The following USH2A variants were observed in gnomAD, a reference collection of about 807,000 sequenced individuals.
USH2A encodes Usher syndrome 2A (autosomal recessive, mild).
A neutral mutation model predicts 538.9 loss-of-function variants in USH2A; 443 were observed. The observed-to-expected ratio is 0.82, with a 90% CI of 0.76 to 0.89. The LOEUF is 0.89. USH2A is among the 40% of genes least tolerant of loss of function. The pLI is 0.00. For synonymous variants in USH2A, 2,413 were observed against 2,273.5 expected, an observed-to-expected ratio of 1.06 and a Z score of -1.75; for missense variants, 6,633 against 6,324.8, an observed-to-expected ratio of 1.05 and a Z score of -1.65.
intron 30 of USH2A, among the ~76,000 whole-genome samples, chr1:216,062,153 T>C (rs1013496160): frequency 5.3e-5 from 8 of 152,156 alleles, no homozygotes; most frequent in African/African-American, 1.4e-4. Context: ...TTATGGAAGA[T>C]TGTCATATTC....
Position 215,888,866 on chromosome 1 carries a change from C to A in USH2A, c.7783G>T (p.Ala2595Ser). 1 of 1,614,098 alleles carries A rather than the reference C, an allele frequency of 6.2e-7. No homozygotes were observed. The highest frequency in any genetic ancestry group is 8.5e-7 in the Non-Finnish European group (1 of 1,180,016). ...CAGGCTTCTACCTGAAACTTATAGG[C>A]AGTGTATGGGTGTAAATGCATCACT... ...CTVMHLHPYTAYKFQVEACTS... is the reference protein window; with the variant it reads ...CTVMHLHPYTSYKFQVEACTS... Residue 2595 changes from alanine (A) to serine (S), a missense_variant, in exon 41 of 72, where the codon GCC becomes TCC. By Grantham distance (99) the Ala-to-Ser change is moderately conservative. Coordinates refer to ENST00000307340, the MANE Select transcript of USH2A (RefSeq NM_206933.4).
intron 47 of USH2A, among the ~76,000 whole-genome samples, chr1:215,824,420 C>T (rs1015749620): frequency 1.3e-5 from 2 of 151,802 alleles, no homozygotes; most frequent in African/African-American, 2.4e-5. Context: ...TGCCTCAGGT[C>T]CAGGTTTGCC....
At chr1:215,793,586 G>C (rs921852619) in intron 50 of USH2A, among the ~76,000 whole-genome samples, 1 of 151,966 alleles carries the variant, frequency 6.6e-6, no homozygotes, top group South Asian at 2.1e-4. Context: ...AAATCATTCT[G>C]TTTTATGGAA....
At chr1:216,015,686 T>C (rs1000479257) in intron 32 of USH2A, among the ~76,000 whole-genome samples, 6 of 152,200 alleles carry the variant, frequency 3.9e-5, no homozygotes, top group Non-Finnish European at 8.8e-5. Context: ...CCTTCTGTTT[T>C]CTGACTTTTT....
intron 14 of USH2A, among the ~76,000 whole-genome samples, chr1:216,229,955 A>G (rs1009577106): frequency 1.1e-4 from 17 of 152,172 alleles, no homozygotes; most frequent in African/African-American, 4.1e-4. Context: ...GATCTCACTT[A>G]AAGAAAAAAA....
chr1:215,689,749 C>G (rs754049830), intron 61 of USH2A, among the ~76,000 whole-genome samples: 3 of 152,168 alleles, frequency 2.0e-5, no homozygotes, highest in Non-Finnish European at 4.4e-5. Flanking sequence ...CTCTCATTCC[C>G]ACACAAGAGA....
At chr1:216,415,843 C>G (rs567351874) in intron 3 of USH2A, among the ~76,000 whole-genome samples, 1 of 151,972 alleles carries the variant, frequency 6.6e-6, no homozygotes, top group Non-Finnish European at 1.5e-5. Flanking sequence ...TTTCTTATAA[C>G]AACTTTTGAG....
At chr1:215,637,544 G>A (rs181373675) in intron 69 of USH2A, among the ~76,000 whole-genome samples, 1 of 152,234 alleles carries the variant, frequency 6.6e-6, no homozygotes, top group Admixed American at 6.5e-5. Flanking sequence ...TCCACTTGGG[G>A]AAATATTGGA....
chr1:216,238,345 T>C (rs568616277), intron 13 of USH2A, among the ~76,000 whole-genome samples: 1 of 152,274 alleles, frequency 6.6e-6, no homozygotes, highest in East Asian at 1.9e-4. Context: ...TTGACATCCT[T>C]CCCTGCCTTC....
At chr1:216,321,831 C>T in intron 9 of USH2A, 52 bp downstream of exon 9, 1 of 1,467,730 alleles carries the variant, frequency 6.8e-7, no homozygotes, top group Non-Finnish European at 9.6e-7. Flanking sequence ...AATTTATAGT[C>T]ACCATCTCTA....
chr1:216,238,792 C>T (rs2035878161), intron 13 of USH2A, among the ~76,000 whole-genome samples: 2 of 152,110 alleles, frequency 1.3e-5, no homozygotes, highest in Non-Finnish European at 2.9e-5. Context: ...TACTATGGGT[C>T]AGCAGTATTT....
chr1:216,041,478 C>T (rs1476227441), intron 32 of USH2A, among the ~76,000 whole-genome samples: 1 of 152,072 alleles, frequency 6.6e-6, no homozygotes, highest in Non-Finnish European at 1.5e-5. Context: ...GCAAGATCCA[C>T]TGGCAAACCC....
chr1:216,003,362 G>A (rs1006694718), intron 32 of USH2A, among the ~76,000 whole-genome samples: 24 of 152,058 alleles, frequency 1.6e-4, no homozygotes, highest in African/African-American at 5.3e-4. Flanking sequence ...AATGTGTAAC[G>A]GAGTTTAAGA....
intron 54 of USH2A, among the ~76,000 whole-genome samples, chr1:215,781,412 A>T (rs565960654): frequency 3.5e-4 from 53 of 152,260 alleles, no homozygotes; most frequent in African/African-American, 1.2e-3. Flanking sequence ...TAGCACCATG[A>T]TCCACAAATT....
In USH2A at chr1:215,785,021, G is replaced by A. The variant is rs116143009; in HGVS notation, c.10387+1649C>T. The stretch of plus-strand genomic sequence containing the variant: ...ACTGGGACTGGGAACACAATAGAAG[G>A]TTGGACAAATTGTCCTCTATCTGAG... On this transcript the variant is annotated intron_variant, in intron 52 of 71. Transcript: ENST00000307340. 3.1e-3 allele frequency among the ~76,000 whole-genome samples: 465 copies of A among 152,288 alleles called. 4 individuals carry two copies. Among genetic ancestry groups the A allele is most frequent in the African/African-American group, 0.01 (427 of 41,570 alleles).
chr1:216,383,106 C>T (rs2038947760), intron 3 of USH2A, among the ~76,000 whole-genome samples: 1 of 152,220 alleles, frequency 6.6e-6, no homozygotes, highest in African/African-American at 2.4e-5. Context: ...CACTCAGGCA[C>T]ACAAAAACGG....
intron 47 of USH2A, among the ~76,000 whole-genome samples, chr1:215,829,343 A>T (rs1663248354): frequency 6.6e-6 from 1 of 152,210 alleles, no homozygotes; most frequent in South Asian, 2.1e-4. Context: ...GTTAAGGCCA[A>T]AGACAAAGAT....
Position 215,624,084 on chromosome 1 carries a change from A to G in USH2A, c.*1697T>C, listed in dbSNP as rs1655908652. On this transcript the variant is annotated 3_prime_UTR_variant, in exon 72 of 72. Coordinates refer to ENST00000307340, the MANE Select transcript of USH2A (RefSeq NM_206933.4). ...AAAAACCAGTAAACTAGTCAATCCT[A>G]TGTTTTCATTTCAGAAAGTATAAAA... is the stretch of plus-strand genomic sequence containing the variant. 4 of 152,306 alleles carry G rather than the reference A, an allele frequency of 2.6e-5. No homozygotes were observed. Among genetic ancestry groups the G allele is most frequent in the South Asian group, 4.1e-4 (2 of 4,832 alleles). The allele number at this position is 152,306 out of a possible 1,614,324, so 9.4% of individuals were successfully genotyped here.
chr1:215,873,671 C>T (rs902382657), intron 43 of USH2A, among the ~76,000 whole-genome samples: 1 of 151,930 alleles, frequency 6.6e-6, no homozygotes, highest in African/African-American at 2.4e-5. Context: ...TAAGCATTTA[C>T]ATCTTAAGTC....
Sources: gnomAD v4.1 joint callset for allele counts (sites outside exome capture counted in the v4.1 genomes callset) on GRCh38, gnomAD v4.1.1 for gene constraint, MANE v1.5 for transcripts, NCBI Gene and HGNC (gene_info 2026-07-23, HGNC 2026-07-21) for gene names.